CREB5: variants seen among roughly 807,000 people sequenced by gnomAD.
The protein encoded by CREB5 is cAMP responsive element binding protein 5.
Under a neutral mutation model 57.1 loss-of-function variants are expected in CREB5, and 19 were observed. The observed-to-expected ratio is 0.33, with a 90% CI of 0.23 to 0.49. CREB5 has a LOEUF of 0.49. Among genes scored for constraint, CREB5 ranks in the 20% least tolerant of loss-of-function variants. The pLI is 0.99. For missense variants in CREB5, 579 were observed against 671.6 expected (o/e 0.86, Z 1.52); for synonymous variants, 238 against 238.3 (o/e 1.00, Z 0.01).
At chr7:28,686,625 T>C (rs1256096493) in intron 5 of CREB5, among the ~76,000 whole-genome samples, 1 of 152,132 alleles carries the variant, frequency 6.6e-6, no homozygotes, top group South Asian at 2.1e-4. Context: ...AGAGTTAAAA[T>C]GCAGGAACCA....
chr7:28,656,597 A>T (rs1223459792), intron 5 of CREB5, among the ~76,000 whole-genome samples: 3 of 152,208 alleles, frequency 2.0e-5, no homozygotes, highest in African/African-American at 7.2e-5. Context: ...AACAAGGCTA[A>T]TTGGCCACAG....
chr7:28,637,351 T>C (rs1798463343), intron 5 of CREB5, among the ~76,000 whole-genome samples: 6 of 152,200 alleles, frequency 3.9e-5, no homozygotes, highest in Admixed American at 3.9e-4. Flanking sequence ...CTGGACTCTC[T>C]TTTGGGGGCT....
At chr7:28,482,576 A>T (rs959546988) in intron 1 of CREB5, among the ~76,000 whole-genome samples, 21 of 152,094 alleles carry the variant, frequency 1.4e-4, no homozygotes, top group Non-Finnish European at 7.4e-5. Context: ...TCCTCTAGAA[A>T]CCTTTTGAGG....
Position 28,569,222 on chromosome 7 carries a change from A to G in CREB5, c.292-1143A>G, listed in dbSNP as rs111831832. The stretch of plus-strand genomic sequence containing the variant: ...CCTCTGTCTGTAATGTGGAGTGTAG[A>G]GGTGTAATCCTGGCTTACTGCAGCC... On this transcript the variant is annotated intron_variant, in intron 4 of 10. Coordinates refer to ENST00000357727, the MANE Select transcript of CREB5 (RefSeq NM_182898.4). Among the ~76,000 whole-genome samples the G allele has an allele frequency of 6.4e-3, 960 of 150,792 alleles. 9 individuals are homozygous for G. Among genetic ancestry groups the G allele is most frequent in the African/African-American group, 0.023 (925 of 40,968 alleles).
intron 9 of CREB5, among the ~76,000 whole-genome samples, chr7:28,812,224 T>C (rs1809159182): frequency 6.6e-6 from 1 of 152,242 alleles, no homozygotes; most frequent in Admixed American, 6.5e-5. Flanking sequence ...GCCAAGGCTT[T>C]AAATCAGTTT....
chr7:28,562,593 TTA>T (rs1296717576), intron 4 of CREB5, among the ~76,000 whole-genome samples: 1 of 152,148 alleles, frequency 6.6e-6, no homozygotes, highest in African/African-American at 2.4e-5. Flanking sequence ...CCACTGATGA[TTA>T]TATCAGTGTG....
intron 5 of CREB5, among the ~76,000 whole-genome samples, chr7:28,626,842 C>A (rs774493234): frequency 1.3e-5 from 2 of 152,010 alleles, no homozygotes; most frequent in South Asian, 2.1e-4. Flanking sequence ...TACCGGGGGC[C>A]CTTCATCAGA....
At chr7:28,469,413 G>A (rs1044837106) in intron 1 of CREB5, among the ~76,000 whole-genome samples, 4 of 152,126 alleles carry the variant, frequency 2.6e-5, no homozygotes, top group Non-Finnish European at 4.4e-5. Flanking sequence ...GCAATTAAGA[G>A]TTTGCTGGGT....
intron 7 of CREB5, among the ~76,000 whole-genome samples, chr7:28,794,710 A>G (rs1270299429): frequency 1.3e-5 from 2 of 152,042 alleles, no homozygotes; most frequent in African/African-American, 4.8e-5. Context: ...AGAGACACCC[A>G]GCCTTCATTC....
At chr7:28,478,287 G>A (rs1791165021) in intron 1 of CREB5, among the ~76,000 whole-genome samples, 1 of 151,990 alleles carries the variant, frequency 6.6e-6, no homozygotes, top group South Asian at 2.1e-4. Flanking sequence ...CTAGGCATGA[G>A]TTTTGAGTCT....
At chr7:28,793,986 A>C (rs1807880938) in intron 7 of CREB5, among the ~76,000 whole-genome samples, 1 of 152,162 alleles carries the variant, frequency 6.6e-6, no homozygotes, top group Non-Finnish European at 1.5e-5. Flanking sequence ...ATGTGGAGTA[A>C]AGTTTGCTGT....
chr7:28,720,349 A>G (rs570332444), intron 6 of CREB5, among the ~76,000 whole-genome samples: 131 of 152,332 alleles, frequency 8.6e-4, no homozygotes, highest in Non-Finnish European at 1.9e-4. Context: ...TCTCACAGCA[A>G]TCCTGTGGGG....
chr7:28,672,476 T>G (rs1800099881), intron 5 of CREB5, among the ~76,000 whole-genome samples: 1 of 152,136 alleles, frequency 6.6e-6, no homozygotes, highest in African/African-American at 2.4e-5. Flanking sequence ...TCATAATGCA[T>G]TTATTTGGTT....
chr7:28,741,029 A>G (rs767779646), intron 7 of CREB5, among the ~76,000 whole-genome samples: 44 of 148,206 alleles, frequency 3.0e-4, no homozygotes, highest in Non-Finnish European at 4.0e-4. Context: ...TTGTTAAATT[A>G]ACTGATTTCT....
chr7:28,666,644 T>C (rs1416692805), intron 5 of CREB5, among the ~76,000 whole-genome samples: 1 of 152,070 alleles, frequency 6.6e-6, no homozygotes, highest in Non-Finnish European at 1.5e-5. Flanking sequence ...AATGGATACA[T>C]TGCAAGCTAA....
intron 1 of CREB5, among the ~76,000 whole-genome samples, chr7:28,483,814 A>C (rs1321613752): frequency 1.3e-5 from 2 of 152,216 alleles, no homozygotes; most frequent in Non-Finnish European, 2.9e-5. Context: ...TTTCTACTGA[A>C]AGCACCTTTG....
chr7:28,382,729 G>T (rs1351591138), intron 1 of CREB5, among the ~76,000 whole-genome samples: 1 of 151,686 alleles, frequency 6.6e-6, no homozygotes, highest in East Asian at 1.9e-4. Context: ...TAGCTTATTG[G>T]TCTATTCTCA....
chr7:28,330,401 C>CTTTTTTTTTTTT (rs10699932), intron 1 of CREB5, among the ~76,000 whole-genome samples: 8 of 88,526 alleles, frequency 9.0e-5, no homozygotes, highest in African/African-American at 2.4e-4. Context: ...GAGAACCTTA[C>CTTTTTTTTTTTT]TTTTTTTTTT....
intron 4 of CREB5, among the ~76,000 whole-genome samples, chr7:28,526,786 G>T (rs1562775476): frequency 6.6e-6 from 1 of 152,198 alleles, no homozygotes; most frequent in African/African-American, 2.4e-5. Context: ...TCCTGGGATA[G>T]GGGTCTGTGC....
Sources: allele counts gnomAD v4.1 joint callset (sites outside exome capture counted in the v4.1 genomes callset), GRCh38; gene constraint gnomAD v4.1.1; transcripts MANE v1.5; gene names NCBI Gene and HGNC (gene_info 2026-07-23, HGNC 2026-07-21).